The following RCOR1 variants were observed in gnomAD, a reference collection of about 807,000 sequenced individuals.
The protein encoded by RCOR1 is REST corepressor.
In RCOR1, 12 loss-of-function variants were observed where a neutral mutation model predicts 64.0. The ratio of observed to expected loss-of-function variants is 0.19; its 90% CI spans 0.12 to 0.30. RCOR1 has a LOEUF of 0.30. Among genes scored for constraint, RCOR1 ranks in the 10% least tolerant of loss-of-function variants. The pLI is 1.00. For missense variants in RCOR1, 502 were observed against 621.2 expected, an observed-to-expected ratio of 0.81 and a Z score of 2.04; for synonymous variants, 279 against 227.2, an observed-to-expected ratio of 1.23 and a Z score of -2.05.
chr14:102,637,974 A>G (rs1292484441), intron 2 of RCOR1, among the ~76,000 whole-genome samples: 1 of 152,148 alleles, frequency 6.6e-6, no homozygotes, highest in Non-Finnish European at 1.5e-5. Context: ...TTGATTATCC[A>G]TTTCTTTTTG....
chr14:102,635,695 G>T (rs571394713), intron 2 of RCOR1, among the ~76,000 whole-genome samples: 4 of 151,796 alleles, frequency 2.6e-5, no homozygotes, highest in Admixed American at 6.6e-5. Context: ...CAACTAATCT[G>T]CATGGATTGT....
intron 2 of RCOR1, among the ~76,000 whole-genome samples, chr14:102,654,587 C>T (rs1335753131): frequency 1.3e-5 from 2 of 151,892 alleles, no homozygotes; most frequent in Admixed American, 6.6e-5. Flanking sequence ...ATTAATGAGG[C>T]CAGGCGCACT....
intron 2 of RCOR1, chr14:102,649,873 A>G (rs1303295525): frequency 1.3e-6 from 1 of 747,436 alleles, no homozygotes; most frequent in Non-Finnish European, 1.6e-6. Flanking sequence ...TTGTGTATGA[A>G]GGCAGTGAAG....
chr14:102,719,496 G>A lies in RCOR1; in HGVS notation c.1054-1511G>A, dbSNP rs1416960717. On this transcript the variant is annotated intron_variant, in intron 8 of 11. Transcript: ENST00000262241. Reference sequence around the variant, plus strand: ...TTCCCACCTATGAGTGAGAACATGCGGTGTTTGGTTTTCTGTCCTTGCGAT... The same window carrying A: ...TTCCCACCTATGAGTGAGAACATGCAGTGTTTGGTTTTCTGTCCTTGCGAT... Among the ~76,000 whole-genome samples the A allele has an allele frequency of 2.0e-5, 3 of 152,168 alleles. No individual in the cohort carries two copies. In the South Asian group the frequency reaches 6.2e-4, roughly 32 times the overall value.
chr14:102,643,329 T>G (rs1484276198), intron 2 of RCOR1: 3 of 980,760 alleles, frequency 3.1e-6, no homozygotes, highest in Non-Finnish European at 2.4e-6. Context: ...TGAACAAACC[T>G]TATAGAGCTT....
chr14:102,722,118 A>G (rs1896179186), intron 10 of RCOR1, 69 bp from the exon 11 acceptor site: 1 of 1,081,554 alleles, frequency 9.2e-7, no homozygotes. Context: ...TAAAGAGGTA[A>G]GTGTCACTTG....
chr14:102,615,660 C>CTGGT (rs1893744204), intron 2 of RCOR1, among the ~76,000 whole-genome samples: 1 of 151,994 alleles, frequency 6.6e-6, no homozygotes, highest in Non-Finnish European at 1.5e-5. Context: ...GTTGGTCAGG[C>CTGGT]TGGTCTCCAA....
chr14:102,706,114 CAAAAAAAAAAAAAAAA>C (rs71119732), intron 4 of RCOR1, among the ~76,000 whole-genome samples: 1 of 21,330 alleles, frequency 4.7e-5, no homozygotes. Context: ...AACCCTGTCT[CAAAAAAAAAAAAAAAA>C]AAAAAAAAAA....
intron 8 of RCOR1, among the ~76,000 whole-genome samples, chr14:102,718,910 C>T (rs1418381688): frequency 1.3e-5 from 2 of 151,842 alleles, no homozygotes; most frequent in South Asian, 2.1e-4. Flanking sequence ...CACCTCAGCC[C>T]CCTAAGTAGG....
intron 2 of RCOR1, among the ~76,000 whole-genome samples, chr14:102,632,640 TTTCC>T (rs1894140440): frequency 1.6e-5 from 1 of 61,258 alleles, no homozygotes; most frequent in Non-Finnish European, 3.8e-5. Context: ...TTTCCTTTCC[TTTCC>T]TTTCCTTTCC....
At chr14:102,643,205 C>T (rs925525528) in intron 2 of RCOR1, 25 of 227,796 alleles carry the variant, frequency 1.1e-4, no homozygotes, top group Non-Finnish European at 1.5e-4. Context: ...TGGCGTGAAC[C>T]CGGGAGGCGG....
chr14:102,666,867 C>CT lies in RCOR1; in HGVS notation c.362-15027dup, dbSNP rs1332617705. On this transcript the variant is annotated intron_variant, in intron 2 of 11. Coordinates refer to ENST00000262241, the MANE Select transcript of RCOR1 (RefSeq NM_015156.4). ...GCGGAGTACTTTACAGTGGAAACGT[C>CT]TGAGTTTGTCAGAAGTTTCAGCTGT... is the stretch of plus-strand genomic sequence containing the variant. Among the ~76,000 whole-genome samples the CT allele has an allele frequency of 2.6e-5, 4 of 152,264 alleles. No homozygotes were observed. In the South Asian group the frequency reaches 8.3e-4, roughly 32 times the overall value.
At chr14:102,683,778 G>C (rs1895354076) in intron 3 of RCOR1, among the ~76,000 whole-genome samples, 1 of 152,232 alleles carries the variant, frequency 6.6e-6, no homozygotes, top group Non-Finnish European at 1.5e-5. Context: ...GCTGCTTCCG[G>C]GTCCCTCTTG....
intron 2 of RCOR1, among the ~76,000 whole-genome samples, chr14:102,675,663 C>A (rs1468072506): frequency 6.6e-6 from 1 of 152,204 alleles, no homozygotes; most frequent in African/African-American, 2.4e-5. Context: ...TCATGGGTAA[C>A]TGAAATCACA....
At chr14:102,614,332 C>G (rs190026122) in intron 2 of RCOR1, among the ~76,000 whole-genome samples, 1 of 150,132 alleles carries the variant, frequency 6.7e-6, no homozygotes, top group East Asian at 2.0e-4. Context: ...TCACTCCATT[C>G]TCCTGCCTCA....
At chr14:102,609,952 A>G (rs993075891) in intron 2 of RCOR1, among the ~76,000 whole-genome samples, 6 of 152,022 alleles carry the variant, frequency 3.9e-5, no homozygotes, top group Non-Finnish European at 1.5e-5. Flanking sequence ...ACCCTGGACA[A>G]CATGACAACA....
intron 2 of RCOR1, among the ~76,000 whole-genome samples, chr14:102,621,227 C>T (rs1893864367): frequency 6.6e-6 from 1 of 151,496 alleles, no homozygotes; most frequent in Admixed American, 6.6e-5. Context: ...TCACCTTGGC[C>T]TCCCAGTATG....
At chr14:102,662,356 G>A (rs1894841034) in intron 2 of RCOR1, 5 of 567,178 alleles carry the variant, frequency 8.8e-6, no homozygotes, top group Non-Finnish European at 1.7e-5. Context: ...CCACATCAAT[G>A]TCATAGAGCT....
At position 102,681,961 on chromosome 14, in the gene RCOR1, A is replaced by G; in HGVS notation, c.428A>G (p.Asn143Ser). The part of the protein sequence containing the change: ...LGMLVWSPNQ[N>S]LSEAKLDEYI... ...ATGTTGGTCTGGTCACCCAATCAAA[A>G]TCTGTCAGAAGCAAAGTGTAAGTCT... Residue 143 changes from asparagine to serine, a missense_variant, in exon 3 of 12, where the codon AAT becomes AGT. Asn to Ser is a conservative substitution (Grantham distance 46). This residue lies in a region of RCOR1 where 242 missense variants were observed against 204.9 expected (regional missense o/e 1.18). Coordinates refer to ENST00000262241, the MANE Select transcript of RCOR1 (RefSeq NM_015156.4). 3 of 1,613,260 alleles carry G rather than the reference A, an allele frequency of 1.9e-6. No homozygotes were observed. Among genetic ancestry groups the G allele is most frequent in the Non-Finnish European group, 1.7e-6 (2 of 1,179,256 alleles).
Sources: allele counts gnomAD v4.1 joint callset (sites outside exome capture counted in the v4.1 genomes callset), GRCh38; gene constraint gnomAD v4.1.1; regional missense constraint gnomAD v4.1.1; transcripts MANE v1.5; gene names NCBI Gene and HGNC (gene_info 2026-07-23, HGNC 2026-07-21).